Variants in ST6GALNAC1 observed in about 807,000 individuals in gnomAD.
The protein encoded by ST6GALNAC1 is alpha-N-acetylgalactosaminide alpha-2,6-sialyltransferase 1.
Under a neutral mutation model 56.8 loss-of-function variants are expected in ST6GALNAC1, and 45 were observed. That is an observed-to-expected ratio of 0.79 (90% CI 0.62 to 1.02). The LOEUF (loss-of-function observed/expected upper bound fraction) is 1.02, where lower values mean the gene tolerates loss of function less well. ST6GALNAC1 is among the 50% of genes least tolerant of loss of function. The probability of loss-of-function intolerance (pLI) is 0.00; values close to 1 mark genes in which losing one functional copy is unlikely to be tolerated. For missense variants in ST6GALNAC1, 743 were observed against 754.8 expected (o/e 0.98, Z 0.18); for synonymous variants, 295 against 297.8 (o/e 0.99, Z 0.10).
downstream of ST6GALNAC1, among the ~76,000 whole-genome samples, chr17:76,623,523 G>C (rs60839107): frequency 4.8e-3 from 726 of 152,310 alleles, 8 homozygotes; most frequent in African/African-American, 0.017. Context: ...CTACTTCTGT[G>C]TCTTTCAGGA....
downstream of ST6GALNAC1, among the ~76,000 whole-genome samples, chr17:76,623,502 C>T (rs2075760593): frequency 6.6e-6 from 1 of 152,102 alleles, no homozygotes; most frequent in African/African-American, 2.4e-5. Flanking sequence ...GATGACTTGG[C>T]TTATTTGGGT....
At position 76,629,578 on chromosome 17, in the gene ST6GALNAC1, G is replaced by T. The variant is rs139832278; in HGVS notation, c.265C>A (p.Gln89Lys). The change falls in exon 2 of 9, where the codon CAA becomes AAA. Residue 89 changes from glutamine to lysine, a missense_variant. Physicochemically the swap from Gln to Lys is moderately conservative, Grantham distance 53. Coordinates refer to ENST00000156626, the MANE Select transcript of ST6GALNAC1 (RefSeq NM_018414.5). ...PVPENNALNT[Q>K]TQPKAHTTGD... ...GTGGTGTGGGCCTTGGGCTGGGTTT[G>T]TGTGTTGAGGGCATTGTTCTCTGGC... The T allele has an allele frequency of 6.2e-7, 1 of 1,613,896 alleles. No individual in the cohort carries two copies. Among genetic ancestry groups the T allele is most frequent in the Non-Finnish European group, 8.5e-7 (1 of 1,179,982 alleles).
chr17:76,621,363 A>G (rs1364653636), downstream of ST6GALNAC1, among the ~76,000 whole-genome samples: 1 of 150,956 alleles, frequency 6.6e-6, no homozygotes, highest in Non-Finnish European at 1.5e-5. Context: ...TTGTACTTTT[A>G]GTAGGGATGG....
chr17:76,628,272 T>TCCCTCCCTCCCTCCTTCCC (rs2075840001), intron 2 of ST6GALNAC1, among the ~76,000 whole-genome samples: 1 of 12,416 alleles, frequency 8.1e-5, no homozygotes, highest in African/African-American at 1.8e-4. Flanking sequence ...CCCTCCCTCC[T>TCCCTCCCTCCCTCCTTCCC]TCCTTCCTTC....
At chr17:76,621,503 G>T (rs745854637), downstream of ST6GALNAC1, among the ~76,000 whole-genome samples, 1 of 151,654 alleles carries the variant, frequency 6.6e-6, no homozygotes, top group African/African-American at 2.4e-5. Context: ...TTGAGATGGA[G>T]TTTCGCTCTG....
rs542916900 is a variant in ST6GALNAC1, at chr17:76,636,876, C to G, written c.131+6632G>C. ...AAGAGAGATCAGATTGTTACTGTGT[C>G]TGTGTAGAAAGAAGTAGACATAGGA... On this transcript the variant is annotated intron_variant, in intron 1 of 8. Coordinates refer to ENST00000156626, the MANE Select transcript of ST6GALNAC1 (RefSeq NM_018414.5). Among the ~76,000 whole-genome samples the G allele has an allele frequency of 3.3e-5, 5 of 152,284 alleles. No homozygotes were observed. The South Asian group carries it at 1.0e-3, about 32-fold the overall frequency.
Position 76,626,281 on chromosome 17 carries a change from G to A in ST6GALNAC1, c.1415+8C>T. 1 of 1,613,780 alleles carries A rather than the reference G, an allele frequency of 6.2e-7. No individual in the cohort carries two copies. Among genetic ancestry groups the A allele is most frequent in the East Asian group, 2.2e-5 (1 of 44,892 alleles). ...GGGATAAGGGGATGGCAGGAGGACA[G>A]TGGGTACCTGAACCAGAAAAGGTTT... is the stretch of plus-strand genomic sequence containing the variant. On this transcript the variant is annotated splice_region_variant and intron_variant, in intron 6 of 8. Coordinates refer to ENST00000156626, the MANE Select transcript of ST6GALNAC1 (RefSeq NM_018414.5).
At chr17:76,641,492 C>T (rs1567963689) in intron 1 of ST6GALNAC1, among the ~76,000 whole-genome samples, 1 of 152,018 alleles carries the variant, frequency 6.6e-6, no homozygotes, top group Non-Finnish European at 1.5e-5. Flanking sequence ...GTACAAATGA[C>T]TAAGAAAGTT....
At chr17:76,632,861 A>G (rs991884539) in intron 1 of ST6GALNAC1, among the ~76,000 whole-genome samples, 2 of 152,210 alleles carry the variant, frequency 1.3e-5, no homozygotes, top group African/African-American at 2.4e-5. Flanking sequence ...ACTTAACTGC[A>G]TAATTCTGAT....
At chr17:76,637,077 C>T (rs2075984879) in intron 1 of ST6GALNAC1, among the ~76,000 whole-genome samples, 1 of 151,724 alleles carries the variant, frequency 6.6e-6, no homozygotes, top group Non-Finnish European at 1.5e-5. Context: ...GCAGCATGCT[C>T]GTTAAGAGTC....
rs757252798 is a variant in ST6GALNAC1 at position 76,627,075 on chromosome 17, G to A, written c.1164C>T (p.Tyr388=). The change falls in exon 4 of 9, where the codon TAC becomes TAT. Residue 388 remains tyrosine, a synonymous_variant. Coordinates refer to ENST00000156626, the MANE Select transcript of ST6GALNAC1 (RefSeq NM_018414.5). This position sits in a 1 kb window ranked among gnomAD's most constrained non-coding sequence, Gnocchi z 4.4. Reference sequence around the variant, plus strand: ...GGGTGGGGACAGCTTACCGGAACACGTAGTCGTGACTGTCTATCTCCTGGC... The same window carrying A: ...GGGTGGGGACAGCTTACCGGAACACATAGTCGTGACTGTCTATCTCCTGGC... ...HMGQEIDSHD[Y]VFRLSGALIK... 1.7e-5 allele frequency: 26 copies of A among 1,549,556 alleles called. No homozygotes were observed. The highest frequency in any genetic ancestry group is 4.1e-5 in the African/African-American group (3 of 73,078).
intron 1 of ST6GALNAC1, 72 bp from the exon 2 acceptor site, chr17:76,629,783 GT>G (rs879066241): frequency 0.056 from 40,001 of 718,964 alleles, 9 homozygotes; most frequent in Middle Eastern, 0.077. Flanking sequence ...GTAGTTTTTT[GT>G]TTTTTTTTTT....
chr17:76,636,081 C>A (rs1385416298), intron 1 of ST6GALNAC1, among the ~76,000 whole-genome samples: 4 of 152,106 alleles, frequency 2.6e-5, no homozygotes, highest in Admixed American at 6.5e-5. Context: ...CAGAAACTGC[C>A]TTAAAACATG....
the ST6GALNAC1 span, among the ~76,000 whole-genome samples, chr17:76,617,871 G>A: frequency 6.6e-6 from 1 of 152,138 alleles, no homozygotes; most frequent in Non-Finnish European, 1.5e-5. Context: ...CTGTCTGTTT[G>A]ACATAGTTAA....
chr17:76,625,658 C>T (rs1355485441), intron 8 of ST6GALNAC1, 131 bp from the exon 9 acceptor site: 16 of 1,207,030 alleles, frequency 1.3e-5, no homozygotes, highest in South Asian at 4.4e-5. Flanking sequence ...GGTGCAGGTC[C>T]CTGGATACGC....
At chr17:76,621,865 G>C (rs1034346519), downstream of ST6GALNAC1, among the ~76,000 whole-genome samples, 1 of 151,874 alleles carries the variant, frequency 6.6e-6, no homozygotes, top group Non-Finnish European at 1.5e-5. Flanking sequence ...AACCTTTACT[G>C]GTTCAGGGTG....
chr17:76,627,208 G>A lies in ST6GALNAC1; in HGVS notation c.1031C>T (p.Pro344Leu), dbSNP rs569628528. 2.9e-5 allele frequency: 46 copies of A among 1,584,844 alleles called. No homozygotes were observed. The South Asian group carries it at 5.1e-4, about 18-fold the overall frequency. ...CAGGAGCAGCTGCTGCTGGGGCACT[G>A]GAGGGAAGCGTGTCACGACCTTCTG... ...LVQKVVTRFP[P>L]VPQQQLLLAS... Residue 344 changes from proline (P) to leucine (L), a missense_variant, in exon 4 of 9, where the codon CCA becomes CTA. Physicochemically the swap from Pro to Leu is moderately conservative, Grantham distance 98. Coordinates refer to ENST00000156626, the MANE Select transcript of ST6GALNAC1 (RefSeq NM_018414.5). This position sits in a 1 kb window ranked among gnomAD's most constrained non-coding sequence, Gnocchi z 4.4.
At chr17:76,641,868 AAG>A (rs2076052045) in intron 1 of ST6GALNAC1, 1 of 152,102 alleles carries the variant, frequency 6.6e-6, no homozygotes, top group Non-Finnish European at 1.5e-5. Context: ...CCGACATGGA[AAG>A]ATGTCCATGA....
intron 1 of ST6GALNAC1, among the ~76,000 whole-genome samples, chr17:76,631,063 C>CTGTGTGTGTGTGTGTGTGTG (rs1331837039): frequency 2.1e-4 from 16 of 74,450 alleles, no homozygotes; most frequent in South Asian, 5.2e-4. Flanking sequence ...CCCAGCTAAT[C>CTGTGTGTGTGTGTGTGTGTG]TCTGTGTGTG....
Sources: gnomAD v4.1 joint callset for allele counts (sites outside exome capture counted in the v4.1 genomes callset) on GRCh38, gnomAD v4.1.1 for gene constraint, Gnocchi (gnomAD v3.1) non-coding constraint, MANE v1.5 for transcripts, NCBI Gene and HGNC (gene_info 2026-07-23, HGNC 2026-07-21) for gene names.